Variants in FAP observed in about 807,000 individuals in gnomAD.
FAP encodes fibroblast activation protein alpha.
Under a neutral mutation model 126.5 loss-of-function variants are expected in FAP, and 110 were observed. The ratio of observed to expected loss-of-function variants is 0.87; its 90% confidence interval spans 0.74 to 1.02. The LOEUF (loss-of-function observed/expected upper bound fraction) is 1.02. Among genes scored for constraint, FAP ranks in the 50% least tolerant of loss-of-function variants. FAP has a pLI of 0.00. For missense variants in FAP, 919 were observed against 909.2 expected (o/e 1.01, Z -0.14); for synonymous variants, 334 against 297.3 (o/e 1.12, Z -1.27).
At chr2:162,216,567 A>G (rs553728385) in intron 9 of FAP, among the ~76,000 whole-genome samples, 19 of 152,174 alleles carry the variant, frequency 1.2e-4, no homozygotes, top group Non-Finnish European at 2.2e-4. Flanking sequence ...TGAGATTTAT[A>G]CTTTTCTTGT....
chr2:162,215,298 C>T (rs943787987), intron 10 of FAP, among the ~76,000 whole-genome samples: 2 of 152,164 alleles, frequency 1.3e-5, no homozygotes, highest in Non-Finnish European at 2.9e-5. Context: ...GGCCTGGGCA[C>T]CTCTTCCCCT....
At chr2:162,184,610 G>A (rs1687802480) in intron 20 of FAP, among the ~76,000 whole-genome samples, 1 of 152,188 alleles carries the variant, frequency 6.6e-6, no homozygotes, top group Non-Finnish European at 1.5e-5. Flanking sequence ...AGGACACTGA[G>A]GAGTCTACAG....
chr2:162,211,347 T>C (rs1039601050), intron 11 of FAP, among the ~76,000 whole-genome samples: 1 of 152,192 alleles, frequency 6.6e-6, no homozygotes, highest in Non-Finnish European at 1.5e-5. Flanking sequence ...CACTATTGGA[T>C]GGTTACATGA....
In FAP at chr2:162,226,603, T is replaced by C. The variant is rs959509233; in HGVS notation, c.110A>G (p.Asn37Ser). Residue 37 changes from asparagine (N) to serine (S), a missense_variant, in exon 3 of 26, where the codon AAT becomes AGT. Transcript: ENST00000188790. ...RPSRVHNSEE[N>S]TMRALTLKDI... ...CTTCAGTGTGAGTGCTCTCATTGTA[T>C]TTTCTTCAGAGTTATGAACTTTGGG... The C allele has an allele frequency of 3.8e-6, 6 of 1,587,482 alleles. No individual in the cohort carries two copies. In the African/African-American group the frequency reaches 5.4e-5, roughly 14 times the overall value.
chr2:162,172,163 T>A (rs954348361), intron 25 of FAP: 1 of 152,060 alleles, frequency 6.6e-6, no homozygotes, highest in African/African-American at 2.4e-5. Context: ...TGAGGGAGCA[T>A]TTGTGAGAGG....
intron 9 of FAP, among the ~76,000 whole-genome samples, chr2:162,216,855 C>T (rs1215075845): frequency 2.0e-5 from 3 of 152,154 alleles, no homozygotes; most frequent in African/African-American, 7.2e-5. Flanking sequence ...ACGTCTCCAC[C>T]TAACGCCAGA....
intron 12 of FAP, among the ~76,000 whole-genome samples, chr2:162,208,468 G>T (rs1688796066): frequency 1.3e-5 from 2 of 152,164 alleles, no homozygotes; most frequent in African/African-American, 4.8e-5. Flanking sequence ...AGATGCTCAA[G>T]ATAATGTCTT....
intron 16 of FAP, chr2:162,198,417 G>A: frequency 3.4e-6 from 4 of 1,165,606 alleles, no homozygotes; most frequent in Non-Finnish European, 4.5e-6. Flanking sequence ...TAGCTGACGG[G>A]TTGCCTCTGC....
intron 16 of FAP, among the ~76,000 whole-genome samples, chr2:162,197,122 A>C (rs936721455): frequency 1.3e-5 from 2 of 152,232 alleles, no homozygotes; most frequent in African/African-American, 4.8e-5. Context: ...ATGTAAATGT[A>C]GTGTCACTGA....
At chr2:162,240,893 A>G (rs1690320656) in intron 2 of FAP, among the ~76,000 whole-genome samples, 1 of 152,044 alleles carries the variant, frequency 6.6e-6, no homozygotes, top group African/African-American at 2.4e-5. Context: ...TGGACCTGGC[A>G]CTCCAGACGG....
chr2:162,175,175 A>C (rs1287974175), intron 21 of FAP: 1 of 469,394 alleles, frequency 2.1e-6, no homozygotes, highest in Non-Finnish European at 3.9e-6. Flanking sequence ...CATTAGAAAT[A>C]CTTGGTGTGC....
At chr2:162,195,594 T>C (rs1377919042) in intron 16 of FAP, among the ~76,000 whole-genome samples, 1 of 152,074 alleles carries the variant, frequency 6.6e-6, no homozygotes, top group Non-Finnish European at 1.5e-5. Flanking sequence ...GCTGAAGAAA[T>C]GACTGAGTCA....
chr2:162,238,966 A>G lies in FAP; in HGVS notation c.91+3942T>C, dbSNP rs1690242734. ...CTTCACATATTTTCTTCAATGCATT[A>G]TAAAAGGCAAGACTCAGCTAAATAA... is the stretch of plus-strand genomic sequence containing the variant. On this transcript the variant is annotated intron_variant, in intron 2 of 25. Transcript: ENST00000188790. Among the ~76,000 whole-genome samples, 5 of 152,336 alleles carry G rather than the reference A, an allele frequency of 3.3e-5. 1 individual carries two copies. The South Asian group carries it at 1.0e-3, about 32-fold the overall frequency.
chr2:162,203,160 C>T lies in FAP; in HGVS notation c.1048-15G>A, dbSNP rs1348249028. On this transcript the variant is annotated splice_polypyrimidine_tract_variant and intron_variant, in intron 12 of 25. Coordinates refer to ENST00000188790, the MANE Select transcript of FAP (RefSeq NM_004460.5). ...GAAACAAAGAACTGAAAAAAATTAG[C>T]AGAGGTTATGTTCAAAAGACAAACC... 6.4e-7 allele frequency: 1 copy of T among 1,564,896 alleles called. No homozygotes were observed. Among genetic ancestry groups the T allele is most frequent in the Non-Finnish European group, 8.8e-7 (1 of 1,139,370 alleles).
chr2:162,217,881 G>A, intron 9 of FAP, 105 bp downstream of exon 9: 1 of 804,388 alleles, frequency 1.2e-6, no homozygotes, highest in Non-Finnish European at 2.0e-6. Flanking sequence ...AATGCTCAAG[G>A]ATAAGAAGCT....
intron 1 of FAP, 163 bp from the exon 2 acceptor site, chr2:162,243,155 G>A: frequency 1.3e-6 from 1 of 795,120 alleles, no homozygotes; most frequent in Non-Finnish European, 2.1e-6. Context: ...AGCTCTGCAA[G>A]GACAAATGTT....
At chr2:162,199,199 T>C (rs191814144) in intron 15 of FAP, among the ~76,000 whole-genome samples, 3 of 152,296 alleles carry the variant, frequency 2.0e-5, no homozygotes, top group Non-Finnish European at 2.9e-5. Flanking sequence ...CTTCACAAAG[T>C]GCTTGGGAAT....
chr2:162,212,672 T>TTGTTTGTTCTG (rs1364818758), intron 11 of FAP, among the ~76,000 whole-genome samples: 2 of 152,134 alleles, frequency 1.3e-5, no homozygotes, highest in African/African-American at 4.8e-5. Context: ...GTGATTTACT[T>TTGTTTGTTCTG]TGTTTGTTCT....
At chr2:162,230,728 A>T (rs1401046536) in intron 2 of FAP, among the ~76,000 whole-genome samples, 2 of 152,074 alleles carry the variant, frequency 1.3e-5, no homozygotes, top group Admixed American at 6.6e-5. Flanking sequence ...ACAGATTCCT[A>T]GTACTTATCT....
Sources: gnomAD v4.1 joint callset for allele counts (sites outside exome capture counted in the v4.1 genomes callset) on GRCh38, gnomAD v4.1.1 for gene constraint, MANE v1.5 for transcripts, NCBI Gene and HGNC (gene_info 2026-07-23, HGNC 2026-07-21) for gene names.